The following ACO1 variants were observed in gnomAD, a reference collection of about 807,000 sequenced individuals.
ACO1 encodes cytoplasmic aconitate hydratase.
In ACO1, 78 loss-of-function variants were observed where a neutral mutation model predicts 105.1. That is an observed-to-expected ratio of 0.74 (90% CI 0.62 to 0.90). ACO1 has a LOEUF of 0.90. Ranked by LOEUF, ACO1 falls within the 40% of genes least tolerant of loss-of-function variation. The probability of loss-of-function intolerance (pLI) is 0.00; values close to 1 mark genes in which losing one functional copy is unlikely to be tolerated. For missense variants in ACO1, 965 were observed against 1,111.1 expected, an observed-to-expected ratio of 0.87 and a Z score of 1.87; for synonymous variants, 364 against 397.4, an observed-to-expected ratio of 0.92 and a Z score of 1.00.
At chr9:32,424,235 C>T (rs768899546) in intron 9 of ACO1, among the ~76,000 whole-genome samples, 26 of 152,136 alleles carry the variant, frequency 1.7e-4, no homozygotes, top group South Asian at 1.5e-3. Flanking sequence ...CCATATAAAA[C>T]GCGATGAGCT....
At chr9:32,421,231 C>T (rs552407773) in intron 8 of ACO1, among the ~76,000 whole-genome samples, 7 of 152,238 alleles carry the variant, frequency 4.6e-5, no homozygotes, top group Admixed American at 3.3e-4. Flanking sequence ...ATAGAAAGAG[C>T]TCAGAGATTA....
At chr9:32,449,323 C>T (rs1822701956) in intron 20 of ACO1, among the ~76,000 whole-genome samples, 2 of 152,144 alleles carry the variant, frequency 1.3e-5, no homozygotes, top group South Asian at 2.1e-4. Flanking sequence ...TTACCTCCCA[C>T]CCCCTACTGT....
intron 1 of ACO1, among the ~76,000 whole-genome samples, chr9:32,399,201 C>T (rs1821436601): frequency 6.6e-6 from 1 of 152,152 alleles, no homozygotes; most frequent in Non-Finnish European, 1.5e-5. Flanking sequence ...CTGAGGCATC[C>T]ACATTAATAG....
intron 7 of ACO1, among the ~76,000 whole-genome samples, chr9:32,420,605 C>G (rs910446616): frequency 2.6e-5 from 4 of 152,192 alleles, no homozygotes; most frequent in African/African-American, 4.8e-5. Flanking sequence ...TGGTGTGGTA[C>G]TCTTAACTAC....
At position 32,384,744 on chromosome 9, in the gene ACO1, C is replaced by T. The variant is rs533823640; in HGVS notation, c.-23+9C>T. The T allele has an allele frequency of 2.1e-5, 8 of 387,548 alleles. No individual in the cohort carries two copies. The highest frequency in any genetic ancestry group is 2.8e-4 in the East Asian group (2 of 7,220). The allele number at this position is 387,548 out of a possible 1,614,324, so 24.0% of individuals were successfully genotyped here. A position where few individuals can be genotyped will look rare whatever the true frequency, so the allele number is the denominator to read the frequency against. ...CCGCCGTGCAGTCGGAGGTGAGTACCGACGCGGCCCGACCCACGTCCCCAG... is the reference window on the plus strand; with the variant it reads ...CCGCCGTGCAGTCGGAGGTGAGTACTGACGCGGCCCGACCCACGTCCCCAG... On this transcript the variant is annotated intron_variant, in intron 1 of 20. Transcript: ENST00000309951.
chr9:32,444,506 T>C (rs1441670443), intron 19 of ACO1, among the ~76,000 whole-genome samples: 4 of 152,232 alleles, frequency 2.6e-5, no homozygotes, highest in Admixed American at 2.6e-4. Context: ...GACTTTTTAA[T>C]GATCGCCATT....
chr9:32,393,198 T>A (rs1854530), intron 1 of ACO1, among the ~76,000 whole-genome samples: 146,111 of 152,302 alleles, frequency 0.96, 70,268 homozygotes, highest in Non-Finnish European at 1. Context: ...CTCTTCTTTC[T>A]AAAGCAAATG....
chr9:32,432,509 T>C (rs1052660905), intron 15 of ACO1, among the ~76,000 whole-genome samples: 17 of 152,086 alleles, frequency 1.1e-4, no homozygotes, highest in Non-Finnish European at 2.5e-4. Context: ...AGGTGCTCCT[T>C]GGGAGATGGT....
chr9:32,428,733 A>G (rs1460443857), intron 12 of ACO1, among the ~76,000 whole-genome samples: 1 of 152,036 alleles, frequency 6.6e-6, no homozygotes, highest in Non-Finnish European at 1.5e-5. Flanking sequence ...AATCCCAGCT[A>G]CTTGGGGGGC....
intron 4 of ACO1, among the ~76,000 whole-genome samples, chr9:32,411,095 G>C (rs370218037): frequency 1.3e-5 from 2 of 152,006 alleles, no homozygotes; most frequent in South Asian, 2.1e-4. Context: ...TTCTGTTCAC[G>C]GTGCCATTGA....
chr9:32,441,052 G>T (rs1253719819), intron 19 of ACO1, among the ~76,000 whole-genome samples: 1 of 152,184 alleles, frequency 6.6e-6, no homozygotes, highest in Non-Finnish European at 1.5e-5. Context: ...ACTTTTTCAG[G>T]AGTTACTTTG....
chr9:32,421,035 A>C lies in ACO1; in HGVS notation c.970+8A>C, dbSNP rs1229248001. 3.7e-6 allele frequency: 6 copies of C among 1,612,842 alleles called. No individual in the cohort carries two copies. The highest frequency in any genetic ancestry group is 5.1e-6 in the Non-Finnish European group (6 of 1,179,064). On this transcript the variant is annotated splice_region_variant and intron_variant, in intron 8 of 20. Coordinates refer to ENST00000309951, the MANE Select transcript of ACO1 (RefSeq NM_002197.3). ...CGTACCTGGTGCAAACAGGTAAGTGAAGGGCCCTGAAAGCATCGGGCTTTT... is the reference window on the plus strand; with the variant it reads ...CGTACCTGGTGCAAACAGGTAAGTGCAGGGCCCTGAAAGCATCGGGCTTTT...
At chr9:32,399,645 C>CGT (rs1821445534) in intron 1 of ACO1, among the ~76,000 whole-genome samples, 1 of 152,090 alleles carries the variant, frequency 6.6e-6, no homozygotes. Flanking sequence ...TGGAAACAAC[C>CGT]TAAGTATTTT....
chr9:32,417,005 T>C (rs1821865585), intron 4 of ACO1, among the ~76,000 whole-genome samples: 1 of 152,206 alleles, frequency 6.6e-6, no homozygotes, highest in Non-Finnish European at 1.5e-5. Context: ...CTGCCACCAT[T>C]ACTGCCACAG....
Position 32,418,486 on chromosome 9 carries a change from T to C in ACO1, c.633T>C (p.Ile211=). The C allele has an allele frequency of 6.2e-7, 1 of 1,613,392 alleles. No individual in the cohort carries two copies. The highest frequency in any genetic ancestry group is 8.5e-7 in the Non-Finnish European group (1 of 1,179,370). ...GCACAGACTCGCACACTACCATGATTGATGGCTTGGGCATTCTTGGTTGGG... is the reference window on the plus strand; with the variant it reads ...GCACAGACTCGCACACTACCATGATCGATGGCTTGGGCATTCTTGGTTGGG... ...LVGTDSHTTM[I]DGLGILGWGV... Residue 211 remains isoleucine (I), a synonymous_variant, in exon 6 of 21, where the codon ATT becomes ATC. Transcript: ENST00000309951.
In ACO1 at chr9:32,431,652, T is replaced by G. The variant is rs1281917427; in HGVS notation, c.1727-67T>G. 5 of 1,573,782 alleles carry G rather than the reference T, an allele frequency of 3.2e-6. No individual in the cohort carries two copies. The East Asian group carries it at 1.1e-4, about 35-fold the overall frequency. On this transcript the variant is annotated intron_variant, in intron 14 of 20. Coordinates refer to ENST00000309951, the MANE Select transcript of ACO1 (RefSeq NM_002197.3). ...CATAACTACCGAGGAGAACGAGGCT[T>G]GACTCTGTATAATCATGAAAATTGC...
At chr9:32,428,875 T>TA (rs1478285480) in intron 12 of ACO1, among the ~76,000 whole-genome samples, 5 of 152,068 alleles carry the variant, frequency 3.3e-5, no homozygotes, top group African/African-American at 1.2e-4. Context: ...AGTTTGTTTA[T>TA]ACCAGCATCA....
Position 32,419,035 on chromosome 9 carries a change from C to A in ACO1, c.659-3C>A. Reference sequence around the variant, plus strand: ...ATTCTTCCGGTCATGCCGTTCATTGCAGGTGTCGGTGGTATTGAAGCAGAA... The same window carrying A: ...ATTCTTCCGGTCATGCCGTTCATTGAAGGTGTCGGTGGTATTGAAGCAGAA... On this transcript the variant is annotated splice_region_variant and splice_polypyrimidine_tract_variant and intron_variant, in intron 6 of 20. Coordinates refer to ENST00000309951, the MANE Select transcript of ACO1 (RefSeq NM_002197.3). The A allele has an allele frequency of 1.9e-6, 3 of 1,591,054 alleles. No individual in the cohort carries two copies. Among genetic ancestry groups the A allele is most frequent in the Non-Finnish European group, 2.6e-6 (3 of 1,167,188 alleles).
intron 1 of ACO1, among the ~76,000 whole-genome samples, chr9:32,397,249 C>A (rs1279298625): frequency 1.3e-5 from 2 of 152,164 alleles, no homozygotes; most frequent in African/African-American, 4.8e-5. Context: ...CTCTTTTCCC[C>A]CCAGTTTCTC....
Sources: gnomAD v4.1 joint callset for allele counts (sites outside exome capture counted in the v4.1 genomes callset) on GRCh38, gnomAD v4.1.1 for gene constraint, MANE v1.5 for transcripts, NCBI Gene and HGNC (gene_info 2026-07-23, HGNC 2026-07-21) for gene names.